The following MAP3K20 variants were observed in gnomAD, a reference collection of about 807,000 sequenced individuals.
MAP3K20 encodes HCCS-4.
MAP3K20 carries 40 observed loss-of-function variants against 85.7 expected under a neutral mutation model. The observed-to-expected ratio is 0.47, with a 90% CI of 0.36 to 0.61. MAP3K20 has a LOEUF of 0.61. Ranked by LOEUF, MAP3K20 falls within the 20% of genes least tolerant of loss-of-function variation. The pLI is 0.00. For synonymous variants in MAP3K20, 325 were observed against 327.7 expected (o/e 0.99, Z 0.09); for missense variants, 817 against 961.7 (o/e 0.85, Z 1.99).
intron 11 of MAP3K20, 105 bp from the exon 12 acceptor site, chr2:173,229,584 G>C: frequency 6.7e-7 from 1 of 1,502,114 alleles, no homozygotes; most frequent in Non-Finnish European, 9.1e-7. Context: ...GAGGAACCAA[G>C]CCAGAGCAGC....
At chr2:173,134,426 A>ATTTTTTTTT (rs1457014949) in intron 2 of MAP3K20, among the ~76,000 whole-genome samples, 2 of 4,672 alleles carry the variant, frequency 4.3e-4, no homozygotes, top group East Asian at 4.6e-3. Flanking sequence ...ATATATATAT[A>ATTTTTTTTT]TATTTTTTTT....
intron 2 of MAP3K20, among the ~76,000 whole-genome samples, chr2:173,130,051 A>C (rs936741347): frequency 2.0e-5 from 3 of 152,248 alleles, no homozygotes; most frequent in African/African-American, 7.2e-5. Context: ...GCAGAATTGC[A>C]TTATGCGTCA....
chr2:173,122,350 T>G (rs1003900496), intron 2 of MAP3K20, among the ~76,000 whole-genome samples: 5 of 152,342 alleles, frequency 3.3e-5, no homozygotes, highest in Middle Eastern at 3.4e-3. Context: ...AGCTCGTGTT[T>G]TTTCTTTCTT....
intron 2 of MAP3K20, among the ~76,000 whole-genome samples, chr2:173,117,687 A>T (rs1261684494): frequency 6.6e-6 from 1 of 152,208 alleles, no homozygotes; most frequent in African/African-American, 2.4e-5. Flanking sequence ...AAATGTGAGG[A>T]TACTCTGAAG....
chr2:173,252,428 G>A (rs538447919), intron 16 of MAP3K20, among the ~76,000 whole-genome samples: 6 of 152,084 alleles, frequency 3.9e-5, no homozygotes, highest in Non-Finnish European at 7.3e-5. Context: ...AGCCACACAC[G>A]TGCTCCTAAA....
chr2:173,231,029 C>T (rs985473560), intron 12 of MAP3K20, among the ~76,000 whole-genome samples: 2 of 152,102 alleles, frequency 1.3e-5, no homozygotes, highest in Non-Finnish European at 2.9e-5. Flanking sequence ...CTATAAAACT[C>T]AGGGACTTAT....
intron 9 of MAP3K20, among the ~76,000 whole-genome samples, chr2:173,206,761 CACATT>C (rs1035264363): frequency 6.6e-6 from 1 of 152,112 alleles, no homozygotes; most frequent in African/African-American, 2.4e-5. Flanking sequence ...TTGCCTATTG[CACATT>C]ACATCAATTT....
chr2:173,204,498 T>C (rs1316329071), intron 9 of MAP3K20, among the ~76,000 whole-genome samples: 1 of 152,234 alleles, frequency 6.6e-6, no homozygotes, highest in Non-Finnish European at 1.5e-5. Flanking sequence ...GTTTTTGAGC[T>C]CCACAATAGA....
chr2:173,095,758 G>C (rs543578591), intron 2 of MAP3K20, among the ~76,000 whole-genome samples: 4 of 152,258 alleles, frequency 2.6e-5, no homozygotes, highest in African/African-American at 9.6e-5. Flanking sequence ...TCTTCCATTT[G>C]GAAGAACATT....
At chr2:173,192,707 A>G (rs1690694755) in intron 7 of MAP3K20, among the ~76,000 whole-genome samples, 1 of 152,094 alleles carries the variant, frequency 6.6e-6, no homozygotes, top group Admixed American at 6.6e-5. Flanking sequence ...AAAATGGGGT[A>G]TTTGTAGCAA....
chr2:173,176,041 C>T (rs1276036660), intron 3 of MAP3K20, among the ~76,000 whole-genome samples: 2 of 152,032 alleles, frequency 1.3e-5, no homozygotes, highest in African/African-American at 4.8e-5. Flanking sequence ...AAGAGGTTAG[C>T]GAGATATAGT....
intron 14 of MAP3K20, among the ~76,000 whole-genome samples, chr2:173,233,000 C>T (rs1330335776): frequency 6.6e-6 from 1 of 152,190 alleles, no homozygotes; most frequent in Non-Finnish European, 1.5e-5. Flanking sequence ...TATAGTAGGA[C>T]TCACAGGGAG....
At chr2:173,258,894 T>C in intron 17 of MAP3K20, 79 bp downstream of exon 17, 1 of 904,602 alleles carries the variant, frequency 1.1e-6, no homozygotes, top group East Asian at 2.5e-5. Flanking sequence ...CCCAGCAGTG[T>C]GCTTTTGTGC....
At chr2:173,199,633 C>G (rs889547859) in intron 8 of MAP3K20, among the ~76,000 whole-genome samples, 4 of 147,960 alleles carry the variant, frequency 2.7e-5, no homozygotes, top group African/African-American at 7.5e-5. Context: ...TCCCTCTGCA[C>G]TATTCCAAGA....
At chr2:173,204,613 C>T (rs1038530558) in intron 9 of MAP3K20, among the ~76,000 whole-genome samples, 2 of 152,128 alleles carry the variant, frequency 1.3e-5, no homozygotes, top group Admixed American at 6.5e-5. Flanking sequence ...CTCTCGCATA[C>T]ATATGGAAAT....
At chr2:173,227,780 A>G (rs1036892132) in intron 11 of MAP3K20, among the ~76,000 whole-genome samples, 6 of 152,118 alleles carry the variant, frequency 3.9e-5, no homozygotes, top group Non-Finnish European at 7.4e-5. Flanking sequence ...CCTCCCCCCA[A>G]CCCAGTTTCT....
chr2:173,227,218 C>A, intron 11 of MAP3K20: 1 of 823,892 alleles, frequency 1.2e-6, no homozygotes, highest in Non-Finnish European at 1.5e-6. Flanking sequence ...TTGAAGGAAT[C>A]GTTGTCACAC....
At chr2:173,149,378 G>C (rs2106224714) in intron 2 of MAP3K20, among the ~76,000 whole-genome samples, 1 of 152,242 alleles carries the variant, frequency 6.6e-6, no homozygotes, top group Non-Finnish European at 1.5e-5. Context: ...GAAATCCAAA[G>C]TCTGGAGCTT....
intron 2 of MAP3K20, among the ~76,000 whole-genome samples, chr2:173,151,523 G>A (rs1574060245): frequency 6.6e-6 from 1 of 152,158 alleles, no homozygotes; most frequent in African/African-American, 2.4e-5. Context: ...TCCATACTCA[G>A]ATCAACTACT....
Sources: allele counts gnomAD v4.1 joint callset (sites outside exome capture counted in the v4.1 genomes callset), GRCh38; gene constraint gnomAD v4.1.1; transcripts MANE v1.5; gene names NCBI Gene and HGNC (gene_info 2026-07-23, HGNC 2026-07-21).